Variants in HNF4G observed in about 807,000 individuals in gnomAD.
HNF4G encodes the protein hepatocyte nuclear factor 4-gamma.
In HNF4G, 21 loss-of-function variants were observed where a neutral mutation model predicts 50.9. The ratio of observed to expected loss-of-function variants is 0.41; its 90% CI spans 0.29 to 0.59. HNF4G has a LOEUF of 0.59. HNF4G is among the 20% of genes least tolerant of loss of function. The pLI, the probability that HNF4G is intolerant of heterozygous loss-of-function variation, is 0.26. For synonymous variants in HNF4G, 198 were observed against 185.6 expected (o/e 1.07, Z -0.54); for missense variants, 527 against 559.4 (o/e 0.94, Z 0.58).
At chr8:75,559,146 A>G (rs1807225582) in intron 8 of HNF4G, 109 bp downstream of exon 8, 4 of 762,532 alleles carry the variant, frequency 5.2e-6, no homozygotes, top group Non-Finnish European at 8.9e-6. Context: ...AGTTGCTGTG[A>G]TGCTCCTGAA....
At chr8:75,470,982 T>C (rs960394840) in intron 1 of HNF4G, among the ~76,000 whole-genome samples, 5 of 152,188 alleles carry the variant, frequency 3.3e-5, no homozygotes, top group African/African-American at 1.2e-4. Flanking sequence ...TGGCTTTTAA[T>C]CACTCATACA....
At chr8:75,476,059 G>T (rs948734051) in intron 1 of HNF4G, among the ~76,000 whole-genome samples, 3 of 152,018 alleles carry the variant, frequency 2.0e-5, no homozygotes, top group Non-Finnish European at 4.4e-5. Flanking sequence ...AGTGCATATT[G>T]CACCCAAAAG....
At chr8:75,443,297 T>G (rs780762495) in intron 1 of HNF4G, among the ~76,000 whole-genome samples, 2 of 152,158 alleles carry the variant, frequency 1.3e-5, no homozygotes, top group Non-Finnish European at 2.9e-5. Context: ...TATACCAGCC[T>G]GAAGGAACTA....
chr8:75,446,935 A>G (rs36173539), intron 1 of HNF4G, among the ~76,000 whole-genome samples: 1 of 134,546 alleles, frequency 7.4e-6, no homozygotes, highest in Non-Finnish European at 1.6e-5. Flanking sequence ...AAACTACTTT[A>G]AAGTTCATAT....
chr8:75,525,404 A>G (rs1234659464), intron 2 of HNF4G, among the ~76,000 whole-genome samples: 1 of 152,168 alleles, frequency 6.6e-6, no homozygotes, highest in African/African-American at 2.4e-5. Flanking sequence ...TCTTGACCTC[A>G]TGATCTGGCC....
intron 1 of HNF4G, among the ~76,000 whole-genome samples, chr8:75,457,396 G>A (rs2130596380): frequency 6.6e-6 from 1 of 152,228 alleles, no homozygotes; most frequent in South Asian, 2.1e-4. Flanking sequence ...AGGGAGATTG[G>A]TCACTGTGGC....
intron 1 of HNF4G, among the ~76,000 whole-genome samples, chr8:75,468,586 A>G (rs1363024610): frequency 1.3e-5 from 2 of 151,768 alleles, no homozygotes; most frequent in African/African-American, 4.8e-5. Flanking sequence ...CCCAGCTACT[A>G]GGGAGGCTGA....
At chr8:75,546,379 T>C (rs1045857686) in intron 2 of HNF4G, among the ~76,000 whole-genome samples, 5 of 152,090 alleles carry the variant, frequency 3.3e-5, no homozygotes, top group Non-Finnish European at 5.9e-5. Flanking sequence ...TTTTTATGTG[T>C]TTGTTTGTTT....
intron 2 of HNF4G, among the ~76,000 whole-genome samples, chr8:75,499,034 C>T (rs558894223): frequency 6.6e-6 from 1 of 151,950 alleles, no homozygotes; most frequent in Non-Finnish European, 1.5e-5. Flanking sequence ...ACCAGGGCAA[C>T]TAAGCAAGAA....
At chr8:75,443,445 C>T (rs912722875) in intron 1 of HNF4G, among the ~76,000 whole-genome samples, 5 of 152,062 alleles carry the variant, frequency 3.3e-5, no homozygotes, top group Admixed American at 3.3e-4. Flanking sequence ...AAAAGGATAA[C>T]AAGTTATACG....
upstream of HNF4G, among the ~76,000 whole-genome samples, chr8:75,539,277 T>G: frequency 6.6e-6 from 1 of 152,180 alleles, no homozygotes; most frequent in East Asian, 1.9e-4. Context: ...CCTTGGGAAG[T>G]TTATTAGCAT....
At chr8:75,466,554 C>G (rs1206920324) in intron 1 of HNF4G, among the ~76,000 whole-genome samples, 2 of 147,680 alleles carry the variant, frequency 1.4e-5, no homozygotes, top group Non-Finnish European at 3.0e-5. Flanking sequence ...CCTCCTTCTT[C>G]TCTTCTCTTT....
chr8:75,565,511 G>A lies in HNF4G; in HGVS notation c.*1415G>A, dbSNP rs1169135942. On this transcript the variant is annotated 3_prime_UTR_variant, in exon 10 of 10. Coordinates refer to ENST00000396423, the MANE Select transcript of HNF4G (RefSeq NM_004133.5). ...GTCGAATTCTAGACTGAGGAGTAGA[G>A]TTCATTGGAGTCTTAAACTCTCTGA... 6.6e-6 allele frequency: 1 copy of A among 152,126 alleles called. No individual in the cohort carries two copies. Among genetic ancestry groups the A allele is most frequent in the Non-Finnish European group, 1.5e-5 (1 of 68,028 alleles). The allele number at this position is 152,126 out of a possible 1,614,324, so 9.4% of individuals were successfully genotyped here.
chr8:75,550,678 G>A (rs191951795), intron 3 of HNF4G, among the ~76,000 whole-genome samples: 1 of 142,648 alleles, frequency 7.0e-6, no homozygotes, highest in African/African-American at 2.7e-5. Context: ...TTTCAGTAAG[G>A]GATTTGGGGA....
rs374569132 is a variant in HNF4G, at chr8:75,449,758, T to C, written c.-143-40331T>C. 1.5e-3 allele frequency among the ~76,000 whole-genome samples: 233 copies of C among 152,102 alleles called. 1 individual carries two copies. Among genetic ancestry groups the C allele is most frequent in the Non-Finnish European group, 2.0e-3 (134 of 67,966 alleles). ...TCCTGACCTCGTGATCCGCCCCCCT[T>C]GGCCTCCCAAAGTGCTGGGATTACA... On this transcript the variant is annotated intron_variant, in intron 1 of 10. Coordinates refer to the HNF4G transcript ENST00000354370.
intron 2 of HNF4G, among the ~76,000 whole-genome samples, chr8:75,522,954 C>A (rs183248179): frequency 6.6e-6 from 1 of 151,988 alleles, no homozygotes; most frequent in South Asian, 2.1e-4. Context: ...AGGCCAGACG[C>A]GGTGGTTCAT....
chr8:75,559,975 T>G (rs2130816541), intron 8 of HNF4G, among the ~76,000 whole-genome samples: 1 of 152,348 alleles, frequency 6.6e-6, no homozygotes, highest in African/African-American at 2.4e-5. Context: ...AATTTGTTCC[T>G]AATGATATCT....
At chr8:75,431,436 T>C (rs1404915384) in intron 1 of HNF4G, among the ~76,000 whole-genome samples, 2 of 152,128 alleles carry the variant, frequency 1.3e-5, no homozygotes, top group African/African-American at 4.8e-5. Flanking sequence ...TTGATCGAGA[T>C]TTTAAAAAGC....
chr8:75,523,424 C>T (rs777767623), intron 2 of HNF4G, among the ~76,000 whole-genome samples: 5 of 152,192 alleles, frequency 3.3e-5, no homozygotes, highest in African/African-American at 1.2e-4. Flanking sequence ...TGCAATGCCT[C>T]CTTTTTAAGA....
Sources: gnomAD v4.1 joint callset for allele counts (sites outside exome capture counted in the v4.1 genomes callset) on GRCh38, gnomAD v4.1.1 for gene constraint, MANE v1.5 for transcripts, NCBI Gene and HGNC (gene_info 2026-07-23, HGNC 2026-07-21) for gene names.